CAST: variants seen among roughly 807,000 people sequenced by gnomAD.
CAST encodes calpastatin, also known as MIR583 host.
CAST carries 76 observed loss-of-function variants against 119.6 expected under a neutral mutation model. The observed-to-expected ratio is 0.64, with a 90% CI of 0.53 to 0.77. CAST has a LOEUF of 0.77. Among genes scored for constraint, CAST ranks in the 30% least tolerant of loss-of-function variants. The pLI is 0.00. For synonymous variants in CAST, 319 were observed against 331.6 expected (o/e 0.96, Z 0.41); for missense variants, 953 against 946.5 (o/e 1.01, Z -0.09).
At chr5:96,445,636 C>T in the CAST span, among the ~76,000 whole-genome samples, 32,558 of 152,018 alleles carry the variant, frequency 0.21, 3,752 homozygotes, top group South Asian at 0.37. Context: ...GAGCATGCCA[C>T]GGCTCACTCT....
the CAST span, among the ~76,000 whole-genome samples, chr5:96,439,895 G>T: frequency 9.2e-5 from 14 of 152,288 alleles, no homozygotes; most frequent in African/African-American, 3.4e-4. Flanking sequence ...ATGGTTAGAA[G>T]AGGGACCAAT....
the CAST span, among the ~76,000 whole-genome samples, chr5:96,297,920 C>G: frequency 1.3e-5 from 2 of 152,124 alleles, no homozygotes; most frequent in East Asian, 3.9e-4. Context: ...GAGTTCATCT[C>G]CTATGGTCTT....
chr5:96,038,728 G>GCC, the CAST span, among the ~76,000 whole-genome samples: 1 of 151,876 alleles, frequency 6.6e-6, no homozygotes, highest in South Asian at 2.1e-4. Context: ...TGCATAGTAT[G>GCC]CCATGGTGTA....
chr5:96,149,774 T>C, the CAST span, among the ~76,000 whole-genome samples: 1 of 152,234 alleles, frequency 6.6e-6, no homozygotes, highest in Non-Finnish European at 1.5e-5. Context: ...ATCCAATCTG[T>C]TAATTCTTGT....
intron 2 of CAST, among the ~76,000 whole-genome samples, chr5:96,684,359 G>A (rs1214993914): frequency 6.6e-6 from 1 of 152,070 alleles, no homozygotes; most frequent in African/African-American, 2.4e-5. Flanking sequence ...TGGCAATAAA[G>A]GTGAGTCTCG....
intron 4 of CAST, among the ~76,000 whole-genome samples, chr5:96,723,672 A>G (rs1758715680): frequency 6.6e-6 from 1 of 152,284 alleles, no homozygotes; most frequent in East Asian, 1.9e-4. Context: ...CCTCTCCCTA[A>G]GTTACTCTAG....
At chr5:96,377,425 T>G in the CAST span, among the ~76,000 whole-genome samples, 1 of 151,920 alleles carries the variant, frequency 6.6e-6, no homozygotes, top group South Asian at 2.1e-4. Context: ...GGCGAATCAT[T>G]TTTTTTCTCT....
At chr5:96,282,959 C>A in the CAST span, among the ~76,000 whole-genome samples, 1 of 150,860 alleles carries the variant, frequency 6.6e-6, no homozygotes, top group Non-Finnish European at 1.5e-5. Flanking sequence ...GAAACCCTGT[C>A]TCTACTAAAA....
chr5:96,206,483 T>C, the CAST span, among the ~76,000 whole-genome samples: 1 of 152,006 alleles, frequency 6.6e-6, no homozygotes, highest in African/African-American at 2.4e-5. Context: ...TTTTTGTATA[T>C]GGTATAAGAA....
rs369519115 is a variant in CAST, at chr5:96,773,456, G to A, written c.*840G>A. 1.7e-4 allele frequency: 26 copies of A among 152,442 alleles called. No individual in the cohort carries two copies. In the East Asian group the frequency reaches 3.9e-3, roughly 23 times the overall value. The allele number at this position is 152,442 out of a possible 1,614,324, so 9.4% of individuals were successfully genotyped here. ...TGTTGGTTTACTGTGTTAGTAAACT[G>A]TGCTTTCTATTATCTATACATAAAA... On this transcript the variant is annotated 3_prime_UTR_variant, in exon 32 of 32. Transcript: ENST00000675179.
At chr5:95,963,991 T>A in the CAST span, among the ~76,000 whole-genome samples, 2 of 152,224 alleles carry the variant, frequency 1.3e-5, no homozygotes, top group Non-Finnish European at 2.9e-5. Context: ...CTGTAGCTTC[T>A]TACTAGTAAT....
At chr5:96,018,423 A>C in the CAST span, among the ~76,000 whole-genome samples, 1 of 151,954 alleles carries the variant, frequency 6.6e-6, no homozygotes. Context: ...AAGGTTATAG[A>C]GCATTTCATT....
At chr5:96,515,102 C>T in the CAST span, among the ~76,000 whole-genome samples, 4 of 152,058 alleles carry the variant, frequency 2.6e-5, no homozygotes, top group Non-Finnish European at 5.9e-5. Flanking sequence ...TAGAGATTGT[C>T]CGTGGTTTGC....
At chr5:96,282,959 C>T in the CAST span, among the ~76,000 whole-genome samples, 1 of 150,860 alleles carries the variant, frequency 6.6e-6, no homozygotes, top group Admixed American at 6.6e-5. Flanking sequence ...GAAACCCTGT[C>T]TCTACTAAAA....
chr5:96,439,670 C>T, the CAST span, among the ~76,000 whole-genome samples: 5 of 152,258 alleles, frequency 3.3e-5, no homozygotes, highest in East Asian at 1.9e-4. Flanking sequence ...TTCACACCCC[C>T]GAACCAACTG....
At chr5:96,609,520 G>A (rs1362388569) in intron 1 of CAST, among the ~76,000 whole-genome samples, 1 of 152,136 alleles carries the variant, frequency 6.6e-6, no homozygotes, top group African/African-American at 2.4e-5. Context: ...GTTCCAACAG[G>A]CTCCAACAAT....
the CAST span, among the ~76,000 whole-genome samples, chr5:96,026,806 A>C: frequency 6.6e-6 from 1 of 152,222 alleles, no homozygotes; most frequent in African/African-American, 2.4e-5. Context: ...TCTTCATATA[A>C]ATCAATTCAT....
chr5:96,532,500 A>C (rs1745707682), intron 1 of CAST, among the ~76,000 whole-genome samples: 1 of 152,180 alleles, frequency 6.6e-6, no homozygotes, highest in Admixed American at 6.5e-5. Flanking sequence ...GGATCACTTG[A>C]GCCTAGGAGT....
chr5:96,769,341 G>T (rs1306272200), intron 29 of CAST: 2 of 148,830 alleles, frequency 1.3e-5, no homozygotes, highest in Non-Finnish European at 3.0e-5. Flanking sequence ...GCTTTCCTCG[G>T]TTGTTTCCCA....
Sources: allele counts gnomAD v4.1 joint callset (sites outside exome capture counted in the v4.1 genomes callset), GRCh38; gene constraint gnomAD v4.1.1; transcripts MANE v1.5; gene names NCBI Gene and HGNC (gene_info 2026-07-23, HGNC 2026-07-21).